Variants in NBAS observed in about 807,000 individuals in gnomAD.
The protein encoded by NBAS is NBAS subunit of NRZ tethering complex.
NBAS carries 219 observed loss-of-function variants against 302.5 expected under a neutral mutation model. The observed-to-expected ratio is 0.72, with a 90% CI of 0.65 to 0.81. The LOEUF (loss-of-function observed/expected upper bound fraction) is 0.81, where lower values mean the gene tolerates loss of function less well. NBAS is among the 30% of genes least tolerant of loss of function. NBAS has a pLI of 0.00. For synonymous variants in NBAS, 1,118 were observed against 1,021.6 expected (o/e 1.09, Z -1.80); for missense variants, 2,932 against 2,841.6 (o/e 1.03, Z -0.72).
intron 48 of NBAS, among the ~76,000 whole-genome samples, chr2:15,201,234 AT>A (rs1665862741): frequency 1.3e-5 from 2 of 152,166 alleles, no homozygotes; most frequent in Admixed American, 1.3e-4. Flanking sequence ...CATGAACACA[AT>A]AAAGTCATAT....
chr2:15,081,418 T>C, the NBAS span, among the ~76,000 whole-genome samples: 1 of 152,172 alleles, frequency 6.6e-6, no homozygotes, highest in Admixed American at 6.5e-5. Flanking sequence ...TAGATATAAA[T>C]ATAGAGATGT....
intron 31 of NBAS, among the ~76,000 whole-genome samples, chr2:15,369,097 A>G (rs1674361694): frequency 6.6e-6 from 1 of 152,170 alleles, no homozygotes; most frequent in African/African-American, 2.4e-5. Flanking sequence ...TAATTGTGAG[A>G]TAGGTACTTT....
At chr2:15,349,439 C>T (rs1340346944) in intron 35 of NBAS, among the ~76,000 whole-genome samples, 2 of 152,042 alleles carry the variant, frequency 1.3e-5, no homozygotes, top group Admixed American at 6.6e-5. Context: ...TCAAAACATG[C>T]CAAAGGACAA....
intron 46 of NBAS, 127 bp from the exon 47 acceptor site, chr2:15,232,638 T>A (rs1667428175): frequency 1.3e-6 from 1 of 779,598 alleles, no homozygotes; most frequent in African/African-American, 1.7e-5. Context: ...CATAGTCATT[T>A]GTGCTATGTG....
chr2:14,861,388 G>A, the NBAS span, among the ~76,000 whole-genome samples: 1 of 152,212 alleles, frequency 6.6e-6, no homozygotes, highest in African/African-American at 2.4e-5. Flanking sequence ...TAGTGCATGT[G>A]CACCAGCAGT....
intron 11 of NBAS, among the ~76,000 whole-genome samples, chr2:15,496,064 G>GTA (rs1429922320): frequency 6.8e-5 from 10 of 148,008 alleles, no homozygotes; most frequent in East Asian, 4.0e-4. Context: ...CTGTGTGTGT[G>GTA]TATATATATA....
chr2:14,789,402 C>A, the NBAS span, among the ~76,000 whole-genome samples: 1 of 152,164 alleles, frequency 6.6e-6, no homozygotes, highest in Non-Finnish European at 1.5e-5. Context: ...GATGGAAATG[C>A]AGAAATCACC....
the NBAS span, among the ~76,000 whole-genome samples, chr2:15,098,575 A>AAT: frequency 1.1e-5 from 1 of 88,384 alleles, no homozygotes; most frequent in African/African-American, 5.5e-5. Flanking sequence ...TATTGTATAT[A>AAT]ATGTATTATA....
chr2:15,104,988 A>G, the NBAS span, among the ~76,000 whole-genome samples: 3 of 152,136 alleles, frequency 2.0e-5, no homozygotes, highest in Non-Finnish European at 4.4e-5. Flanking sequence ...CCACAATAGC[A>G]AAGACTTGGA....
intron 7 of NBAS, among the ~76,000 whole-genome samples, chr2:15,538,663 G>T (rs1663642027): frequency 6.6e-6 from 1 of 152,122 alleles, no homozygotes; most frequent in South Asian, 2.1e-4. Flanking sequence ...TATATTCCTA[G>T]AAGAGACATT....
At chr2:15,038,907 C>A in the NBAS span, among the ~76,000 whole-genome samples, 1 of 152,146 alleles carries the variant, frequency 6.6e-6, no homozygotes, top group African/African-American at 2.4e-5. Context: ...GCAAATTTTA[C>A]CAAAAGATGT....
At chr2:14,824,768 T>C in the NBAS span, among the ~76,000 whole-genome samples, 1 of 152,072 alleles carries the variant, frequency 6.6e-6, no homozygotes, top group Non-Finnish European at 1.5e-5. Flanking sequence ...AATCGGCGAT[T>C]GCGACTTGGA....
At chr2:15,385,504 AAT>A (rs66531471) in intron 28 of NBAS, among the ~76,000 whole-genome samples, 93,948 of 151,848 alleles carry the variant, frequency 0.62, 29,856 homozygotes, top group Middle Eastern at 0.68. Context: ...CCTTTTTAAG[AAT>A]ATATTCAGTA....
chr2:15,098,524 G>T, the NBAS span, among the ~76,000 whole-genome samples: 1 of 82,444 alleles, frequency 1.2e-5, no homozygotes, highest in African/African-American at 5.7e-5. Flanking sequence ...TTGTATATAT[G>T]TTATATATTA....
chr2:15,370,991 GT>G (rs151312068), intron 31 of NBAS, among the ~76,000 whole-genome samples: 1,665 of 152,204 alleles, frequency 0.011, 24 homozygotes, highest in African/African-American at 0.038. Flanking sequence ...AAATGATATG[GT>G]TAGGCTCTGT....
At chr2:15,057,927 A>C in the NBAS span, among the ~76,000 whole-genome samples, 3 of 152,334 alleles carry the variant, frequency 2.0e-5, no homozygotes, top group Admixed American at 2.0e-4. Flanking sequence ...GGCCATAATC[A>C]AATTATCAAA....
chr2:15,502,703 TGC>T (rs1250926690), intron 11 of NBAS, among the ~76,000 whole-genome samples: 3 of 152,212 alleles, frequency 2.0e-5, no homozygotes, highest in Non-Finnish European at 2.9e-5. Flanking sequence ...TGAGTGAGTG[TGC>T]GAGTGAGTGG....
chr2:15,080,543 A>T, the NBAS span, among the ~76,000 whole-genome samples: 1 of 152,248 alleles, frequency 6.6e-6, no homozygotes, highest in African/African-American at 2.4e-5. Flanking sequence ...TTAAAAAACA[A>T]CCATTTGACT....
At chr2:14,953,267 T>A in the NBAS span, among the ~76,000 whole-genome samples, 1 of 152,102 alleles carries the variant, frequency 6.6e-6, no homozygotes. Context: ...GTGAACTGTA[T>A]CAGGGAGGAT....
Sources: allele counts gnomAD v4.1 joint callset (sites outside exome capture counted in the v4.1 genomes callset), GRCh38; gene constraint gnomAD v4.1.1; transcripts MANE v1.5; gene names NCBI Gene and HGNC (gene_info 2026-07-23, HGNC 2026-07-21).